The following PTPRG variants were observed in gnomAD, a reference collection of about 807,000 sequenced individuals.
PTPRG encodes the protein protein tyrosine phosphatase receptor type G.
A neutral mutation model predicts 165.3 loss-of-function variants in PTPRG; 102 were observed. That is an observed-to-expected ratio of 0.62 (90% CI 0.53 to 0.73). PTPRG has a LOEUF of 0.73. Among genes scored for constraint, PTPRG ranks in the 30% least tolerant of loss-of-function variants. The probability of loss-of-function intolerance (pLI) is 0.00; values close to 1 mark genes in which losing one functional copy is unlikely to be tolerated. For synonymous variants in PTPRG, 675 were observed against 669.5 expected, an observed-to-expected ratio of 1.01 and a Z score of -0.13; for missense variants, 1,866 against 1,861.4, an observed-to-expected ratio of 1.00 and a Z score of -0.05.
intron 2 of PTPRG, among the ~76,000 whole-genome samples, chr3:61,844,146 T>C (rs2036736605): frequency 6.6e-6 from 1 of 152,012 alleles, no homozygotes; most frequent in South Asian, 2.1e-4. Context: ...TATTTTTTAG[T>C]AGAGATGGGG....
chr3:61,864,606 T>TTTAAA (rs2037355782), intron 2 of PTPRG, among the ~76,000 whole-genome samples: 1 of 152,246 alleles, frequency 6.6e-6, no homozygotes, highest in Non-Finnish European at 1.5e-5. Context: ...GTGAACTGAA[T>TTTAAA]TTGTTTCAGC....
chr3:61,760,274 A>G (rs527375422), intron 2 of PTPRG, among the ~76,000 whole-genome samples: 3 of 152,316 alleles, frequency 2.0e-5, no homozygotes, highest in African/African-American at 7.2e-5. Context: ...TCCTAGTTCA[A>G]AAGTTATGGC....
intron 4 of PTPRG, among the ~76,000 whole-genome samples, chr3:62,059,456 T>C (rs1391477002): frequency 6.6e-6 from 1 of 152,236 alleles, no homozygotes; most frequent in Admixed American, 6.5e-5. Context: ...GTAAGAAATA[T>C]GGACCGAGAC....
intron 5 of PTPRG, among the ~76,000 whole-genome samples, chr3:62,080,195 G>T (rs537196328): frequency 6.6e-6 from 1 of 151,590 alleles, no homozygotes; most frequent in African/African-American, 2.4e-5. Context: ...AGCCTCCTGA[G>T]TAGCTGGGAA....
rs868127272 is a variant in PTPRG, at chr3:61,680,517, A to C, written c.86-68361A>C. ...CAGCTTTATGAAAAAAAAAAAAAAA[A>C]ACACAAAAAAACAGCATGGGAGCCT... On this transcript the variant is annotated intron_variant, in intron 1 of 29. Transcript: ENST00000474889. 4.2e-3 allele frequency among the ~76,000 whole-genome samples: 580 copies of C among 138,986 alleles called. 8 individuals are homozygous for C. Among genetic ancestry groups the C allele is most frequent in the African/African-American group, 0.014 (543 of 37,530 alleles). The allele number at this position is 138,986 out of a possible 152,430, so 91.2% of individuals were successfully genotyped here.
chr3:62,273,108 C>T lies in PTPRG; in HGVS notation c.3318+27C>T, dbSNP rs150445321. 1,022 of 1,582,082 alleles carry T rather than the reference C, an allele frequency of 6.5e-4. 3 individuals carry two copies. Among genetic ancestry groups the T allele is most frequent in the Middle Eastern group, 1.2e-3 (7 of 5,878 alleles). On this transcript the variant is annotated intron_variant, in intron 22 of 29. Coordinates refer to ENST00000474889, the MANE Select transcript of PTPRG (RefSeq NM_002841.4). The surrounding 1 kb of genome is among the most constrained non-coding windows in gnomAD (Gnocchi z 4.1). ...TAAGGAGTAGCTGCCAGCGTCCTCA[C>T]GACATTCTGGCAAATGCTGTAACTG...
chr3:62,257,985 A>G (rs913922225), intron 16 of PTPRG, among the ~76,000 whole-genome samples: 6 of 152,060 alleles, frequency 3.9e-5, no homozygotes, highest in Admixed American at 3.9e-4. Context: ...CCAAAAAGCC[A>G]GAGTAATGTC....
chr3:62,041,081 G>A (rs1575926284), intron 4 of PTPRG, among the ~76,000 whole-genome samples: 1 of 152,210 alleles, frequency 6.6e-6, no homozygotes, highest in East Asian at 1.9e-4. Context: ...TAAAATGTGG[G>A]TAGTAATACC....
At chr3:62,011,862 C>T (rs1331574403) in intron 4 of PTPRG, among the ~76,000 whole-genome samples, 2 of 152,168 alleles carry the variant, frequency 1.3e-5, no homozygotes, top group South Asian at 2.1e-4. Flanking sequence ...GAACTTGGCT[C>T]AGGGCTGTTT....
intron 1 of PTPRG, among the ~76,000 whole-genome samples, chr3:61,708,443 C>CTTTTTTTTT (rs61136954): frequency 6.6e-5 from 5 of 75,914 alleles, no homozygotes; most frequent in African/African-American, 5.6e-5. Context: ...CTCTGCAAAT[C>CTTTTTTTTT]TTTTTTTTTT....
chr3:61,723,800 A>C (rs942973183), intron 1 of PTPRG, among the ~76,000 whole-genome samples: 1 of 152,170 alleles, frequency 6.6e-6, no homozygotes, highest in African/African-American at 2.4e-5. Context: ...CCACTGCTGA[A>C]GTCCAGATAC....
chr3:62,006,248 C>G (rs2041296076), intron 4 of PTPRG, among the ~76,000 whole-genome samples: 1 of 152,066 alleles, frequency 6.6e-6, no homozygotes, highest in African/African-American at 2.4e-5. Context: ...AATGTGATAA[C>G]CATATTAATG....
chr3:62,026,705 T>A (rs969557837), intron 4 of PTPRG, among the ~76,000 whole-genome samples: 4 of 151,840 alleles, frequency 2.6e-5, no homozygotes, highest in Non-Finnish European at 4.4e-5. Context: ...GCTAACACGG[T>A]GAAACCCCGT....
At chr3:61,839,846 T>C (rs1310124635) in intron 2 of PTPRG, among the ~76,000 whole-genome samples, 1 of 152,200 alleles carries the variant, frequency 6.6e-6, no homozygotes, top group African/African-American at 2.4e-5. Flanking sequence ...CCTCGTTGCC[T>C]ACACAGCATT....
At chr3:61,955,249 C>A (rs1018339896) in intron 2 of PTPRG, among the ~76,000 whole-genome samples, 1 of 152,112 alleles carries the variant, frequency 6.6e-6, no homozygotes, top group African/African-American at 2.4e-5. Context: ...GACCCAATAG[C>A]ATGTTAGATG....
chr3:61,804,687 A>AT (rs562382533), intron 2 of PTPRG, among the ~76,000 whole-genome samples: 11 of 152,102 alleles, frequency 7.2e-5, no homozygotes, highest in African/African-American at 2.4e-4. Flanking sequence ...TCCAAAAAAA[A>AT]AAAAAAAATA....
At chr3:61,936,381 C>G (rs2039485294) in intron 2 of PTPRG, among the ~76,000 whole-genome samples, 1 of 152,208 alleles carries the variant, frequency 6.6e-6, no homozygotes, top group African/African-American at 2.4e-5. Context: ...GAATCCAGAA[C>G]TCATGCTCTT....
intron 1 of PTPRG, among the ~76,000 whole-genome samples, chr3:61,719,231 GT>G (rs1351278450): frequency 6.6e-6 from 1 of 152,226 alleles, no homozygotes; most frequent in African/African-American, 2.4e-5. Context: ...GAAGGAATTT[GT>G]TCGTTGACTT....
rs538463283 is a variant in PTPRG, at chr3:62,255,191, G to C, written c.2535G>C (p.Gln845His). The part of the protein sequence containing the change: ...KHIGELYSNN[Q>H]HGFSEDFEEV... ...TCGGTGAGCTCTATTCTAATAACCA[G>C]CATGGGTTCTCTGAGGATTTTGAGG... Residue 845 changes from glutamine (Q) to histidine (H), a missense_variant, in exon 16 of 30, where the codon CAG (glutamine) becomes CAC (histidine). This residue lies in a region of PTPRG where 1,452 missense variants were observed against 1,463.0 expected (regional missense o/e 0.99). Transcript: ENST00000474889. This position sits in a 1 kb window ranked among gnomAD's most constrained non-coding sequence, Gnocchi z 4.0. 9 of 1,612,640 alleles carry C rather than the reference G, an allele frequency of 5.6e-6. No homozygotes were observed. In the South Asian group the frequency reaches 9.9e-5, roughly 18 times the overall value.
Sources: gnomAD v4.1 joint callset for allele counts (sites outside exome capture counted in the v4.1 genomes callset) on GRCh38, gnomAD v4.1.1 for gene constraint, gnomAD v4.1.1 regional missense constraint, Gnocchi (gnomAD v3.1) non-coding constraint, MANE v1.5 for transcripts, NCBI Gene and HGNC (gene_info 2026-07-23, HGNC 2026-07-21) for gene names.